The following PRTG variants were observed in gnomAD, a reference collection of about 807,000 sequenced individuals.
PRTG encodes the protein protogenin.
PRTG carries 67 observed loss-of-function variants against 122.5 expected under a neutral mutation model. The observed-to-expected ratio is 0.55, with a 90% CI of 0.45 to 0.67. The LOEUF is 0.67. PRTG is among the 30% of genes least tolerant of loss of function. The pLI is 0.00. For synonymous variants in PRTG, 554 were observed against 501.1 expected (o/e 1.11, Z -1.41); for missense variants, 1,435 against 1,415.4 (o/e 1.01, Z -0.22).
chr15:55,678,418 T>G (rs1305965187), intron 7 of PRTG, among the ~76,000 whole-genome samples: 1 of 152,154 alleles, frequency 6.6e-6, no homozygotes, highest in African/African-American at 2.4e-5. Flanking sequence ...AAACTTTTTG[T>G]AATTTTTTGT....
intron 11 of PRTG, among the ~76,000 whole-genome samples, chr15:55,642,473 C>T (rs543270633): frequency 3.3e-4 from 50 of 151,710 alleles, no homozygotes; most frequent in Admixed American, 7.2e-4. Flanking sequence ...AAAAATTAGC[C>T]GGACGTGATG....
chr15:55,706,491 G>A (rs975056402), intron 2 of PRTG, among the ~76,000 whole-genome samples: 1 of 147,798 alleles, frequency 6.8e-6, no homozygotes, highest in Admixed American at 7.0e-5. Flanking sequence ...AGTGGCTCAT[G>A]ACTAACACTT....
chr15:55,693,525 C>A (rs2059616515), intron 2 of PRTG, among the ~76,000 whole-genome samples: 1 of 151,306 alleles, frequency 6.6e-6, no homozygotes, highest in Non-Finnish European at 1.5e-5. Context: ...GGAATAAAAG[C>A]CAGTACAGAC....
At position 55,612,920 on chromosome 15, in the gene PRTG, C is replaced by G. The variant is rs1019205169; in HGVS notation, c.*7092G>C. The G allele has an allele frequency of 6.6e-6, 1 of 151,654 alleles. No homozygotes were observed. Among genetic ancestry groups the G allele is most frequent in the Non-Finnish European group, 1.5e-5 (1 of 67,888 alleles). The allele number at this position is 151,654 out of a possible 1,614,324, so 9.4% of individuals were successfully genotyped here. On this transcript the variant is annotated 3_prime_UTR_variant, in exon 20 of 20. Coordinates refer to ENST00000389286, the MANE Select transcript of PRTG (RefSeq NM_173814.6). The stretch of plus-strand genomic sequence containing the variant: ...TGTGTATGCGTACGGGAGATGCAAA[C>G]ATTTTTCATTTCAACAAAGGCAAAA...
intron 18 of PRTG, among the ~76,000 whole-genome samples, chr15:55,622,991 A>T (rs2059175255): frequency 6.6e-6 from 1 of 152,188 alleles, no homozygotes; most frequent in Admixed American, 6.5e-5. Context: ...ATTTATTCAT[A>T]TTTACCTATA....
rs1016677832 is a variant in PRTG, at chr15:55,743,004, C to T, written c.-73G>A. ...CCGTCTGCGGCCCCCGCCCCGGGCGCTCTCTGCTCTGCGGCTGGTCGCACG... is the reference window on the plus strand; with the variant it reads ...CCGTCTGCGGCCCCCGCCCCGGGCGTTCTCTGCTCTGCGGCTGGTCGCACG... On this transcript the variant is annotated 5_prime_UTR_variant, in exon 1 of 20. Coordinates refer to ENST00000389286, the MANE Select transcript of PRTG (RefSeq NM_173814.6). The T allele has an allele frequency of 5.8e-6, 8 of 1,376,452 alleles. No homozygotes were observed. Among genetic ancestry groups the T allele is most frequent in the Non-Finnish European group, 7.5e-6 (8 of 1,070,074 alleles). The allele number at this position is 1,376,452 out of a possible 1,614,324, so 85.3% of individuals were successfully genotyped here.
chr15:55,725,740 A>G (rs188874791), intron 2 of PRTG, among the ~76,000 whole-genome samples: 2 of 152,320 alleles, frequency 1.3e-5, no homozygotes, highest in Admixed American at 1.3e-4. Flanking sequence ...TTAAAAACTC[A>G]TGATTGAACT....
intron 9 of PRTG, among the ~76,000 whole-genome samples, chr15:55,675,291 G>C (rs2059496052): frequency 6.6e-6 from 1 of 152,026 alleles, no homozygotes; most frequent in African/African-American, 2.4e-5. Context: ...AACCTTTGAA[G>C]AAATACAATG....
intron 5 of PRTG, 28 bp downstream of exon 5, chr15:55,680,462 CT>C (rs35467969): frequency 0.11 from 109,427 of 1,027,920 alleles, 11 homozygotes; most frequent in South Asian, 0.15. Context: ...AAGGAAAAGA[CT>C]TTTTTTTTTT....
intron 11 of PRTG, chr15:55,656,488 G>A (rs2141763418): frequency 2.7e-6 from 1 of 373,320 alleles, no homozygotes; most frequent in East Asian, 7.7e-5. Context: ...GACTTCGAAA[G>A]CTTTCCTAAC....
chr15:55,624,418 T>C lies in PRTG; in HGVS notation c.3017A>G (p.Lys1006Arg). 6.2e-7 allele frequency: 1 copy of C among 1,614,068 alleles called. No individual in the cohort carries two copies. Among genetic ancestry groups the C allele is most frequent in the African/African-American group, 1.3e-5 (1 of 75,058 alleles). The change falls in exon 18 of 20, where the codon AAG (lysine) becomes AGG (arginine). Residue 1006 changes from lysine to arginine, a missense_variant. By Grantham distance (26) the Lys-to-Arg change is conservative (BLOSUM62 2). Coordinates refer to ENST00000389286, the MANE Select transcript of PRTG (RefSeq NM_173814.6). ...ASLASGNEVG[K>R]NLEGAVGNEE... The stretch of plus-strand genomic sequence containing the variant: ...ATTTCCTACAGCTCCTTCCAGGTTC[T>C]TTCCTACCTCATTTCCACTAGCTAA...
At position 55,612,360 on chromosome 15, in the gene PRTG, T is replaced by C. The variant is rs550214477; in HGVS notation, c.*7652A>G. On this transcript the variant is annotated 3_prime_UTR_variant, in exon 20 of 20. Coordinates refer to ENST00000389286, the MANE Select transcript of PRTG (RefSeq NM_173814.6). ...AAGTCAAGACTATGTCTATATACCATGAACTACTTACAAGCTATGAACTTA... is the reference window on the plus strand; with the variant it reads ...AAGTCAAGACTATGTCTATATACCACGAACTACTTACAAGCTATGAACTTA... 6.6e-6 allele frequency: 1 copy of C among 152,058 alleles called. No individual in the cohort carries two copies. Among genetic ancestry groups the C allele is most frequent in the South Asian group, 2.1e-4 (1 of 4,826 alleles). 9.4% of individuals were successfully genotyped at this position (152,058 alleles called of 1,614,324 possible). A position where few individuals can be genotyped will look rare whatever the true frequency, so the allele number is the denominator to read the frequency against.
At chr15:55,739,043 G>C (rs948066448) in intron 2 of PRTG, among the ~76,000 whole-genome samples, 3 of 152,042 alleles carry the variant, frequency 2.0e-5, no homozygotes, top group Non-Finnish European at 4.4e-5. Flanking sequence ...GGCTAGAACC[G>C]CAAACCTCTG....
chr15:55,629,059 C>T (rs1049402773), intron 15 of PRTG, 55 bp from the exon 16 acceptor site: 1 of 1,225,640 alleles, frequency 8.2e-7, no homozygotes, highest in African/African-American at 1.5e-5. Context: ...TTCTTTCACT[C>T]ATATTATACA....
At chr15:55,682,031 T>C (rs2059541304) in intron 4 of PRTG, among the ~76,000 whole-genome samples, 1 of 152,198 alleles carries the variant, frequency 6.6e-6, no homozygotes, top group South Asian at 2.1e-4. Context: ...ATTTAAAGTA[T>C]ACAGGAGAGT....
chr15:55,706,823 G>T (rs1595666498), intron 2 of PRTG, among the ~76,000 whole-genome samples: 1 of 152,176 alleles, frequency 6.6e-6, no homozygotes, highest in Non-Finnish European at 1.5e-5. Flanking sequence ...CAGAGAGACA[G>T]GGTGACAAAA....
At chr15:55,645,863 G>A (rs1208975290) in intron 11 of PRTG, among the ~76,000 whole-genome samples, 1 of 152,114 alleles carries the variant, frequency 6.6e-6, no homozygotes, top group Non-Finnish European at 1.5e-5. Context: ...AAACAGCAGA[G>A]TTAGAAAGAA....
intron 15 of PRTG, among the ~76,000 whole-genome samples, chr15:55,630,597 T>C (rs936701057): frequency 3.3e-5 from 5 of 152,204 alleles, no homozygotes; most frequent in East Asian, 1.9e-4. Context: ...ATACATGACA[T>C]TTGATATCTA....
rs2059629591 is a variant in PRTG, at chr15:55,695,922, G to C, written c.398-11991C>G. ...GGAGGCAGAGGTTGCAGTGAGCCGA[G>C]ATTGCACCATTGCACTCCAACCTTG... is the stretch of plus-strand genomic sequence containing the variant. On this transcript the variant is annotated intron_variant, in intron 2 of 19. Transcript: ENST00000389286. 2.0e-5 allele frequency among the ~76,000 whole-genome samples: 3 copies of C among 151,768 alleles called. No homozygotes were observed. The South Asian group carries it at 6.3e-4, about 32-fold the overall frequency.
Sources: gnomAD v4.1 joint callset for allele counts (sites outside exome capture counted in the v4.1 genomes callset) on GRCh38, gnomAD v4.1.1 for gene constraint, MANE v1.5 for transcripts, NCBI Gene and HGNC (gene_info 2026-07-23, HGNC 2026-07-21) for gene names.